Variants in NRG3 observed in about 807,000 individuals in gnomAD.
NRG3 encodes neuregulin 3.
A neutral mutation model predicts 66.9 loss-of-function variants in NRG3; 31 were observed. The ratio of observed to expected loss-of-function variants is 0.46; its 90% CI spans 0.35 to 0.63. The LOEUF (loss-of-function observed/expected upper bound fraction) is 0.63. Ranked by LOEUF, NRG3 falls within the 20% of genes least tolerant of loss-of-function variation. The pLI, the probability that NRG3 is intolerant of heterozygous loss-of-function variation, is 0.00. For missense variants in NRG3, 910 were observed against 878.9 expected, an observed-to-expected ratio of 1.04 and a Z score of -0.45; for synonymous variants, 393 against 359.4, an observed-to-expected ratio of 1.09 and a Z score of -1.06.
At chr10:82,320,227 A>C (rs2081495593) in intron 1 of NRG3, among the ~76,000 whole-genome samples, 1 of 152,190 alleles carries the variant, frequency 6.6e-6, no homozygotes, top group South Asian at 2.1e-4. Flanking sequence ...ACCATATTGG[A>C]TAATTTTGAC....
chr10:82,540,111 G>A (rs1289615341), intron 2 of NRG3, among the ~76,000 whole-genome samples: 1 of 151,212 alleles, frequency 6.6e-6, no homozygotes, highest in Admixed American at 6.6e-5. Flanking sequence ...TAGGAGAAGT[G>A]GACTGCTGTT....
chr10:82,081,455 T>C (rs2133413227), intron 1 of NRG3, among the ~76,000 whole-genome samples: 1 of 152,224 alleles, frequency 6.6e-6, no homozygotes, highest in African/African-American at 2.4e-5. Flanking sequence ...AAAGTTACCT[T>C]GTTTCTTTAA....
At chr10:82,977,882 A>G (rs1852449532) in intron 7 of NRG3, among the ~76,000 whole-genome samples, 1 of 152,244 alleles carries the variant, frequency 6.6e-6, no homozygotes, top group Non-Finnish European at 1.5e-5. Flanking sequence ...CAAATAATAT[A>G]GTAATATGGG....
intron 3 of NRG3, among the ~76,000 whole-genome samples, chr10:82,864,424 C>T (rs1178062449): frequency 6.6e-6 from 1 of 151,934 alleles, no homozygotes; most frequent in Admixed American, 6.6e-5. Context: ...AGCTTATTTG[C>T]TAAATAAAGA....
At chr10:81,988,084 G>A (rs2060593250) in intron 1 of NRG3, among the ~76,000 whole-genome samples, 1 of 152,098 alleles carries the variant, frequency 6.6e-6, no homozygotes, top group Non-Finnish European at 1.5e-5. Context: ...GGAAAACAAA[G>A]AAAAAACCAA....
Position 82,083,250 on chromosome 10 carries a change from G to A in NRG3, c.823+207087G>A, listed in dbSNP as rs867561163. ...TATATACCTATTGATACAATGTTTT[G>A]AGTGTTTATTTATGATATAAATATA... is the stretch of plus-strand genomic sequence containing the variant. On this transcript the variant is annotated intron_variant, in intron 1 of 8. Transcript: ENST00000372141. 2.6e-5 allele frequency among the ~76,000 whole-genome samples: 4 copies of A among 151,980 alleles called. 1 individual carries two copies. The Middle Eastern group carries it at 0.01, about 390-fold the overall frequency.
rs1853482301 is a variant in NRG3, at chr10:82,987,112, A to G, written c.*1507A>G. On this transcript the variant is annotated 3_prime_UTR_variant, in exon 9 of 9. Coordinates refer to ENST00000372141, the MANE Select transcript of NRG3 (RefSeq NM_001010848.4). ...TGTTCACATATCCAGTCTTTTTCCA[A>G]TTATTGGTGGTGTTGAGTTGTTATG... is the stretch of plus-strand genomic sequence containing the variant. 1 of 152,234 alleles carries G rather than the reference A, an allele frequency of 6.6e-6. No homozygotes were observed. The highest frequency in any genetic ancestry group is 1.5e-5 in the Non-Finnish European group (1 of 67,998). 9.4% of individuals were successfully genotyped at this position (152,234 alleles called of 1,614,324 possible). A position where few individuals can be genotyped will look rare whatever the true frequency, so the allele number is the denominator to read the frequency against.
At chr10:82,485,038 G>T (rs1398242816) in intron 2 of NRG3, among the ~76,000 whole-genome samples, 1 of 152,134 alleles carries the variant, frequency 6.6e-6, no homozygotes, top group Non-Finnish European at 1.5e-5. Context: ...GGAAGGGTAT[G>T]CTGCAGTATG....
intron 2 of NRG3, among the ~76,000 whole-genome samples, chr10:82,479,248 G>T (rs1302702639): frequency 6.6e-6 from 1 of 151,990 alleles, no homozygotes; most frequent in African/African-American, 2.4e-5. Context: ...TGAAATATAG[G>T]AATAAAAATA....
rs1847317499 is a variant in NRG3, at chr10:82,532,007, T to G, written c.953+173139T>G. On this transcript the variant is annotated intron_variant, in intron 2 of 8. Coordinates refer to ENST00000372141, the MANE Select transcript of NRG3 (RefSeq NM_001010848.4). Reference sequence around the variant, plus strand: ...TTCTATAAATTTGATTATTCTTTTTTTATGAATATATAACATTTGTTCATA... The same window carrying G: ...TTCTATAAATTTGATTATTCTTTTTGTATGAATATATAACATTTGTTCATA... Among the ~76,000 whole-genome samples the G allele has an allele frequency of 2.0e-5, 3 of 151,980 alleles. No homozygotes were observed. The South Asian group carries it at 6.2e-4, about 31-fold the overall frequency.
chr10:82,956,505 G>T (rs1263013088), intron 5 of NRG3, among the ~76,000 whole-genome samples: 1 of 151,852 alleles, frequency 6.6e-6, no homozygotes, highest in East Asian at 1.9e-4. Context: ...TACTAAGTCA[G>T]GACTTGAGTG....
intron 2 of NRG3, among the ~76,000 whole-genome samples, chr10:82,704,669 T>C (rs1261243988): frequency 6.6e-6 from 1 of 152,200 alleles, no homozygotes; most frequent in African/African-American, 2.4e-5. Flanking sequence ...TCATATCAAG[T>C]AAAAATGTTT....
intron 2 of NRG3, among the ~76,000 whole-genome samples, chr10:82,512,569 T>C (rs1484282167): frequency 6.6e-6 from 1 of 152,128 alleles, no homozygotes; most frequent in Non-Finnish European, 1.5e-5. Flanking sequence ...CGCCCTGCCA[T>C]ACATGTATAT....
intron 2 of NRG3, among the ~76,000 whole-genome samples, chr10:82,665,485 C>T (rs1394444622): frequency 6.6e-6 from 1 of 152,130 alleles, no homozygotes; most frequent in Non-Finnish European, 1.5e-5. Flanking sequence ...CACTTTGGAT[C>T]TAATCATCAA....
chr10:82,376,121 T>A (rs1014151340), intron 2 of NRG3, among the ~76,000 whole-genome samples: 5 of 152,180 alleles, frequency 3.3e-5, no homozygotes, highest in African/African-American at 1.2e-4. Context: ...GATGAAATTC[T>A]GCATTTCTAA....
rs577968818 is a variant in NRG3, at chr10:81,910,332, C to G, written c.823+34169C>G. ...AGATATTTGCAAGAAGGTAGCAAAC[C>G]CCCAAATCCCTTTGACGGTGGGAAC... On this transcript the variant is annotated intron_variant, in intron 1 of 8. Transcript: ENST00000372141. Among the ~76,000 whole-genome samples the G allele has an allele frequency of 4.3e-3, 659 of 152,226 alleles. 2 individuals are homozygous for G. The highest frequency in any genetic ancestry group is 7.5e-3 in the Non-Finnish European group (508 of 68,010).
intron 1 of NRG3, among the ~76,000 whole-genome samples, chr10:82,283,939 C>A (rs2079263086): frequency 6.6e-6 from 1 of 152,180 alleles, no homozygotes; most frequent in Non-Finnish European, 1.5e-5. Flanking sequence ...GACATTTCAG[C>A]ATCTTCTGGT....
At chr10:82,363,276 G>GT (rs1184161208) in intron 2 of NRG3, among the ~76,000 whole-genome samples, 4 of 152,058 alleles carry the variant, frequency 2.6e-5, no homozygotes, top group African/African-American at 9.7e-5. Flanking sequence ...CAAATTAGGT[G>GT]TTTTTTTCCT....
chr10:82,214,154 T>G (rs1305086166), intron 1 of NRG3, among the ~76,000 whole-genome samples: 1 of 152,142 alleles, frequency 6.6e-6, no homozygotes, highest in African/African-American at 2.4e-5. Context: ...GCTGGTAGTA[T>G]GTCGTAGCCC....
Sources: allele counts gnomAD v4.1 joint callset (sites outside exome capture counted in the v4.1 genomes callset), GRCh38; gene constraint gnomAD v4.1.1; transcripts MANE v1.5; gene names NCBI Gene and HGNC (gene_info 2026-07-23, HGNC 2026-07-21).